Variants in ADAM23 observed in about 807,000 individuals in gnomAD.
ADAM23 encodes the protein ADAM metallopeptidase domain 23.
In ADAM23, 33 loss-of-function variants were observed where a neutral mutation model predicts 120.1. The ratio of observed to expected loss-of-function variants is 0.27; its 90% confidence interval spans 0.21 to 0.37. The LOEUF is 0.37. Ranked by LOEUF, ADAM23 falls within the 10% of genes least tolerant of loss-of-function variation. The probability of loss-of-function intolerance (pLI) is 1.00; values close to 1 mark genes in which losing one functional copy is unlikely to be tolerated. For missense variants in ADAM23, 862 were observed against 1,058.2 expected (o/e 0.81, Z 2.57); for synonymous variants, 367 against 375.2 (o/e 0.98, Z 0.25).
rs1338083596 is a variant in ADAM23, at chr2:206,565,060, G to A, written c.1386G>A (p.Glu462=). ...CTESWGGCIM[E]ETGVSHSRKF... ...AATCCTGGGGTGGCTGCATCATGGA[G>A]GAAACAGGGTAAATTTTCATTATGC... Residue 462 remains glutamate, a synonymous_variant, in exon 14 of 26, where the codon GAG becomes GAA. Transcript: ENST00000264377. 10 of 1,613,896 alleles carry A rather than the reference G, an allele frequency of 6.2e-6. No homozygotes were observed. The highest frequency in any genetic ancestry group is 8.5e-6 in the Non-Finnish European group (10 of 1,179,964).
chr2:206,479,981 A>G (rs1161585183), intron 2 of ADAM23, among the ~76,000 whole-genome samples: 1 of 152,148 alleles, frequency 6.6e-6, no homozygotes, highest in South Asian at 2.1e-4. Context: ...GATCTTGACA[A>G]TGAATATTTG....
intron 8 of ADAM23, 78 bp from the exon 9 acceptor site, chr2:206,550,017 T>A: frequency 1.2e-6 from 1 of 823,336 alleles, no homozygotes; most frequent in Non-Finnish European, 1.8e-6. Flanking sequence ...TTCAAAGTCT[T>A]ATCTACAACT....
At chr2:206,556,124 T>C (rs1354555723) in intron 9 of ADAM23, among the ~76,000 whole-genome samples, 1 of 152,126 alleles carries the variant, frequency 6.6e-6, no homozygotes, top group Non-Finnish European at 1.5e-5. Flanking sequence ...TGTACAGTAG[T>C]GGCAATAACA....
chr2:206,596,530 T>C (rs1698529629), intron 24 of ADAM23, among the ~76,000 whole-genome samples: 1 of 152,242 alleles, frequency 6.6e-6, no homozygotes, highest in Non-Finnish European at 1.5e-5. Flanking sequence ...CATGAGGCTC[T>C]GGTTACTTTT....
chr2:206,584,906 A>G (rs1698294101), intron 18 of ADAM23, among the ~76,000 whole-genome samples: 1 of 152,136 alleles, frequency 6.6e-6, no homozygotes, highest in African/African-American at 2.4e-5. Context: ...GTGAACTCTC[A>G]GGGCCTTTTT....
chr2:206,571,676 A>C (rs1698003044), intron 16 of ADAM23, 51 bp from the exon 17 acceptor site: 3 of 1,365,438 alleles, frequency 2.2e-6, no homozygotes, highest in African/African-American at 1.4e-5. Context: ...GAGAATATGA[A>C]TGACCAGCAG....
rs1192850018 is a variant in ADAM23, at chr2:206,516,233, TA to T, written c.510-14638del. On this transcript the variant is annotated intron_variant, in intron 3 of 25. Transcript: ENST00000264377. ...ACATGGAAGATTTGGGCATTTTTAT[TA>T]AAAAAAAAAAAAAGAAAGAAAAAGC... Among the ~76,000 whole-genome samples, 1,012 of 123,022 alleles carry T rather than the reference TA, an allele frequency of 8.2e-3. 7 individuals are homozygous for T. The highest frequency in any genetic ancestry group is 0.019 in the African/African-American group (631 of 32,998). 80.7% of individuals were successfully genotyped at this position (123,022 alleles called of 152,430 possible).
In ADAM23 at chr2:206,460,994, C is replaced by T. The variant is rs533115132; in HGVS notation, c.432+15470C>T. ...TTCACAACACCATTTGTTGAAAAGA[C>T]CATCCTTTCCCTTGTGAATGTTTTC... On this transcript the variant is annotated intron_variant, in intron 2 of 25. Transcript: ENST00000264377. 3.9e-5 allele frequency among the ~76,000 whole-genome samples: 6 copies of T among 152,056 alleles called. No homozygotes were observed. The South Asian group carries it at 8.3e-4, about 21-fold the overall frequency.
At chr2:206,487,075 AAGCTTT>A (rs1157494056) in intron 3 of ADAM23, among the ~76,000 whole-genome samples, 1 of 152,184 alleles carries the variant, frequency 6.6e-6, no homozygotes, top group African/African-American at 2.4e-5. Flanking sequence ...TAAGCTTCTT[AAGCTTT>A]AGTTTCCTTC....
At chr2:206,516,662 T>C (rs1367036508) in intron 3 of ADAM23, among the ~76,000 whole-genome samples, 1 of 152,048 alleles carries the variant, frequency 6.6e-6, no homozygotes, top group Admixed American at 6.6e-5. Context: ...AATTACCTCC[T>C]AAAAGCCCCA....
At chr2:206,599,187 A>G (rs1698588655) in intron 24 of ADAM23, among the ~76,000 whole-genome samples, 1 of 151,054 alleles carries the variant, frequency 6.6e-6, no homozygotes, top group South Asian at 2.1e-4. Context: ...CCTGGGTAAC[A>G]GAGCGAGATT....
At chr2:206,562,088 A>C in intron 12 of ADAM23, 115 bp from the exon 13 acceptor site, 1 of 801,888 alleles carries the variant, frequency 1.2e-6, no homozygotes, top group South Asian at 1.8e-5. Context: ...ATCTTAAGAT[A>C]CTGACAGGCT....
At chr2:206,549,160 G>A (rs1697461543) in intron 8 of ADAM23, among the ~76,000 whole-genome samples, 1 of 151,566 alleles carries the variant, frequency 6.6e-6, no homozygotes, top group African/African-American at 2.4e-5. Context: ...TTTGCTGAGT[G>A]TATTTTTTTT....
At chr2:206,451,245 G>A (rs890907695) in intron 2 of ADAM23, among the ~76,000 whole-genome samples, 6 of 152,164 alleles carry the variant, frequency 3.9e-5, no homozygotes, top group Admixed American at 2.0e-4. Flanking sequence ...AAACTCAAGT[G>A]TAGGAAACTT....
At chr2:206,503,942 A>G (rs571297587) in intron 3 of ADAM23, among the ~76,000 whole-genome samples, 4 of 152,234 alleles carry the variant, frequency 2.6e-5, no homozygotes, top group African/African-American at 9.6e-5. Flanking sequence ...ATCACCTAAA[A>G]CCTATAAAGG....
At chr2:206,594,644 A>G (rs2105851008) in intron 22 of ADAM23, 93 bp from the exon 23 acceptor site, 1 of 1,417,062 alleles carries the variant, frequency 7.1e-7, no homozygotes. Context: ...ATCCACTGAC[A>G]GCCTCTTCGG....
chr2:206,518,352 A>C (rs552439990), intron 3 of ADAM23, among the ~76,000 whole-genome samples: 16 of 152,286 alleles, frequency 1.1e-4, no homozygotes, highest in African/African-American at 3.6e-4. Flanking sequence ...ATTAGCCTGG[A>C]GTAGATTAAA....
At chr2:206,455,682 G>C (rs1574476583) in intron 2 of ADAM23, among the ~76,000 whole-genome samples, 2 of 152,266 alleles carry the variant, frequency 1.3e-5, no homozygotes, top group East Asian at 1.9e-4. Flanking sequence ...ATGCTTTGCT[G>C]CTTTGAAATT....
rs967036788 is a variant in ADAM23 at position 206,443,908 on chromosome 2, G to T, written c.42G>T (p.Ala14=). The part of the protein sequence containing the change: ...PGSSSRQPPL[A]GCSLAGASCG... ...GCAGCTCGCGGCAGCCGCCCCTGGC[G>T]GGCTGCAGCCTTGCCGGCGCTTCCT... The change falls in exon 1 of 26, where the codon GCG becomes GCT. Residue 14 remains alanine (A), a synonymous_variant. Transcript: ENST00000264377. 2.3e-4 allele frequency: 275 copies of T among 1,199,900 alleles called. No homozygotes were observed. The highest frequency in any genetic ancestry group is 2.6e-4 in the Non-Finnish European group (257 of 970,282). The allele number at this position is 1,199,900 out of a possible 1,614,324, so 74.3% of individuals were successfully genotyped here.
Sources: allele counts gnomAD v4.1 joint callset (sites outside exome capture counted in the v4.1 genomes callset), GRCh38; gene constraint gnomAD v4.1.1; transcripts MANE v1.5; gene names NCBI Gene and HGNC (gene_info 2026-07-23, HGNC 2026-07-21).